Variants in FHIP1A observed in about 807,000 individuals in gnomAD.
The protein encoded by FHIP1A is FHF complex subunit HOOK-interacting protein 1A.
A neutral mutation model predicts 88.6 loss-of-function variants in FHIP1A; 61 were observed. That is an observed-to-expected ratio of 0.69 (90% CI 0.56 to 0.85). The LOEUF (loss-of-function observed/expected upper bound fraction) is 0.85, where lower values mean the gene tolerates loss of function less well. Among genes scored for constraint, FHIP1A ranks in the 40% least tolerant of loss-of-function variants. FHIP1A has a pLI of 0.00. For synonymous variants in FHIP1A, 478 were observed against 496.0 expected, an observed-to-expected ratio of 0.96 and a Z score of 0.48; for missense variants, 1,154 against 1,273.5, an observed-to-expected ratio of 0.91 and a Z score of 1.43.
intron 3 of FHIP1A, among the ~76,000 whole-genome samples, chr4:151,499,438 CTCTA>C (rs1372044306): frequency 6.6e-6 from 1 of 152,314 alleles, no homozygotes; most frequent in African/African-American, 2.4e-5. Context: ...ATCTGAACTA[CTCTA>C]TCTGATGATT....
At chr4:151,595,083 G>C (rs1734596837) in intron 7 of FHIP1A, among the ~76,000 whole-genome samples, 1 of 152,176 alleles carries the variant, frequency 6.6e-6, no homozygotes, top group East Asian at 1.9e-4. Context: ...GAATTTGTTT[G>C]CTCTTGCTTC....
intron 1 of FHIP1A, among the ~76,000 whole-genome samples, chr4:151,426,989 A>G (rs561769667): frequency 2.6e-5 from 4 of 152,288 alleles, no homozygotes; most frequent in South Asian, 2.1e-4. Context: ...CTATTGTGTT[A>G]TATCAGAAGT....
intron 3 of FHIP1A, among the ~76,000 whole-genome samples, chr4:151,520,476 A>G (rs1469768210): frequency 6.6e-6 from 1 of 152,158 alleles, no homozygotes; most frequent in Non-Finnish European, 1.5e-5. Flanking sequence ...TCCATAAATC[A>G]TATGGAATCA....
intron 1 of FHIP1A, among the ~76,000 whole-genome samples, chr4:151,433,070 T>G (rs1414460974): frequency 6.6e-6 from 1 of 152,064 alleles, no homozygotes; most frequent in Non-Finnish European, 1.5e-5. Flanking sequence ...AGTTCAAGTG[T>G]GTGTGTGAGG....
At chr4:151,538,294 C>T (rs1030705381) in intron 3 of FHIP1A, among the ~76,000 whole-genome samples, 1 of 152,026 alleles carries the variant, frequency 6.6e-6, no homozygotes, top group African/African-American at 2.4e-5. Context: ...ATAATAGTAC[C>T]CATTTTATAG....
chr4:151,655,634 A>AT lies in FHIP1A; in HGVS notation c.2552-589dup, dbSNP rs1007983984. On this transcript the variant is annotated intron_variant, in intron 11 of 13. Transcript: ENST00000435205. ...GCAGGGGCTCCTCCACCTCTCACCT[A>AT]TTTTTTTTTATTGTTCCACATTACG... Among the ~76,000 whole-genome samples the AT allele has an allele frequency of 1.9e-4, 28 of 151,058 alleles. No homozygotes were observed. In the East Asian group the frequency reaches 3.7e-3, roughly 20 times the overall value.
At chr4:151,515,867 A>G (rs984427668) in intron 3 of FHIP1A, among the ~76,000 whole-genome samples, 1 of 152,202 alleles carries the variant, frequency 6.6e-6, no homozygotes, top group African/African-American at 2.4e-5. Flanking sequence ...GAAAATGGCC[A>G]TACTGCCCAA....
chr4:151,581,999 A>G (rs1180853161), intron 5 of FHIP1A, among the ~76,000 whole-genome samples: 1 of 152,170 alleles, frequency 6.6e-6, no homozygotes, highest in African/African-American at 2.4e-5. Context: ...TGGGGACTAA[A>G]TGACCCTGTC....
chr4:151,531,918 A>G (rs894445881), intron 3 of FHIP1A, among the ~76,000 whole-genome samples: 2 of 152,248 alleles, frequency 1.3e-5, no homozygotes, highest in African/African-American at 2.4e-5. Context: ...TAAAGAAGGC[A>G]AGAATTTAAA....
chr4:151,636,587 A>AT (rs2126887675), intron 8 of FHIP1A, among the ~76,000 whole-genome samples: 1 of 152,220 alleles, frequency 6.6e-6, no homozygotes, highest in African/African-American at 2.4e-5. Flanking sequence ...TCAATTTACA[A>AT]TAACATCAAA....
chr4:151,541,370 G>C (rs866057271), intron 3 of FHIP1A, among the ~76,000 whole-genome samples: 10 of 152,112 alleles, frequency 6.6e-5, no homozygotes, highest in African/African-American at 2.4e-4. Context: ...GGCCTGAGCT[G>C]GTAATTGGAG....
intron 1 of FHIP1A, among the ~76,000 whole-genome samples, chr4:151,445,303 C>G (rs1728553082): frequency 6.6e-6 from 1 of 151,966 alleles, no homozygotes; most frequent in Admixed American, 6.6e-5. Context: ...GGATATGCCA[C>G]TCTCTCAGCA....
chr4:151,667,027 G>T lies in FHIP1A; in HGVS notation c.*4273G>T, dbSNP rs1737690621. On this transcript the variant is annotated 3_prime_UTR_variant, in exon 14 of 14. Transcript: ENST00000435205. ...TACCAGCCCTGTATTTACTGAAATG[G>T]CTGTCTGTCATGCTTGCCATTTTTA... Among the ~76,000 whole-genome samples, 1 of 152,146 alleles carries T rather than the reference G, an allele frequency of 6.6e-6. No individual in the cohort carries two copies. The highest frequency in any genetic ancestry group is 2.4e-5 in the African/African-American group (1 of 41,426).
At chr4:151,572,990 C>A (rs1379651437) in intron 4 of FHIP1A, among the ~76,000 whole-genome samples, 1 of 152,066 alleles carries the variant, frequency 6.6e-6, no homozygotes, top group Admixed American at 6.6e-5. Context: ...GAAATTCAGG[C>A]CAATTATCAT....
chr4:151,669,740 T>G lies in FHIP1A; in HGVS notation c.*6986T>G, dbSNP rs1161921623. On this transcript the variant is annotated 3_prime_UTR_variant, in exon 14 of 14. Transcript: ENST00000435205. ...ACCTGGCTTCCCGGGTAAGGTCACA[T>G]AGTCTCTTAAAATTCTGTCACTAAT... 6.6e-6 allele frequency: 1 copy of G among 152,210 alleles called. No individual in the cohort carries two copies. The highest frequency in any genetic ancestry group is 1.5e-5 in the Non-Finnish European group (1 of 68,038). The allele number at this position is 152,210 out of a possible 1,614,324, so 9.4% of individuals were successfully genotyped here.
At chr4:151,551,682 T>A (rs1252405340) in intron 3 of FHIP1A, among the ~76,000 whole-genome samples, 1 of 152,136 alleles carries the variant, frequency 6.6e-6, no homozygotes, top group Non-Finnish European at 1.5e-5. Flanking sequence ...CAAAAATTAA[T>A]TCAAGATGGA....
At chr4:151,522,498 A>G (rs1039415989) in intron 3 of FHIP1A, among the ~76,000 whole-genome samples, 41 of 152,342 alleles carry the variant, frequency 2.7e-4, no homozygotes, top group African/African-American at 9.6e-4. Context: ...AAGTCAGTGG[A>G]GGTTTAACCA....
At chr4:151,479,221 G>C (rs896544198) in intron 2 of FHIP1A, among the ~76,000 whole-genome samples, 1 of 152,044 alleles carries the variant, frequency 6.6e-6, no homozygotes, top group Non-Finnish European at 1.5e-5. Context: ...GGGCTTAGAA[G>C]ACATGGCTTC....
chr4:151,554,946 A>G (rs991406588), intron 3 of FHIP1A, among the ~76,000 whole-genome samples: 11 of 152,132 alleles, frequency 7.2e-5, no homozygotes, highest in African/African-American at 2.7e-4. Context: ...ATTCTACTTA[A>G]TGACTTTGAA....
Sources: allele counts gnomAD v4.1 joint callset (sites outside exome capture counted in the v4.1 genomes callset), GRCh38; gene constraint gnomAD v4.1.1; transcripts MANE v1.5; gene names NCBI Gene and HGNC (gene_info 2026-07-23, HGNC 2026-07-21).